Variants in SCN10A observed in about 807,000 individuals in gnomAD.
The protein encoded by SCN10A is sodium voltage-gated channel alpha subunit 10.
SCN10A carries 162 observed loss-of-function variants against 170.7 expected under a neutral mutation model. That is an observed-to-expected ratio of 0.95 (90% confidence interval 0.84 to 1.08). The LOEUF is 1.08. Among genes scored for constraint, SCN10A ranks in the 50% least tolerant of loss-of-function variants. The probability of loss-of-function intolerance (pLI) is 0.00; values close to 1 mark genes in which losing one functional copy is unlikely to be tolerated. For synonymous variants in SCN10A, 985 were observed against 904.6 expected, an observed-to-expected ratio of 1.09 and a Z score of -1.59; for missense variants, 2,527 against 2,436.9, an observed-to-expected ratio of 1.04 and a Z score of -0.78.
chr3:38,752,481 C>A lies in SCN10A; in HGVS notation c.1493G>T (p.Arg498Leu), dbSNP rs372716583. 1.2e-6 allele frequency: 2 copies of A among 1,602,212 alleles called. No individual in the cohort carries two copies. The highest frequency in any genetic ancestry group is 1.7e-6 in the Non-Finnish European group (2 of 1,173,418). Residue 498 changes from arginine to leucine, a missense_variant, in exon 12 of 28, where the codon CGG becomes CTG. Transcript: ENST00000449082. ...ATGGAACACACTGCCATGACTAGCCCGGCGTTTTCCAGAGGCGAGGCCTAG... is the reference window on the plus strand; with the variant it reads ...ATGGAACACACTGCCATGACTAGCCAGGCGTTTTCCAGAGGCGAGGCCTAG... ...SFLGLASGKR[R>L]ASHGSVFHFR...
In SCN10A at chr3:38,722,448, A is replaced by C. The variant is rs2063401442; in HGVS notation, c.3353-36T>G. 2.5e-6 allele frequency: 4 copies of C among 1,604,510 alleles called. No individual in the cohort carries two copies. The Middle Eastern group carries it at 6.7e-4, about 268-fold the overall frequency. The stretch of plus-strand genomic sequence containing the variant: ...AGGTGACTGATGGTGGGTGATGGCC[A>C]GTGGGCAAAGGGGATAATTTCTGCT... On this transcript the variant is annotated intron_variant, in intron 19 of 27. Transcript: ENST00000449082.
At chr3:38,701,119 G>T (rs940770073) in intron 27 of SCN10A, among the ~76,000 whole-genome samples, 1 of 152,142 alleles carries the variant, frequency 6.6e-6, no homozygotes, top group Admixed American at 6.5e-5. Context: ...CATTCATGGA[G>T]CCCAGCTCAG....
chr3:38,812,810 G>A (rs1249125982), intron 1 of SCN10A, among the ~76,000 whole-genome samples: 3 of 152,104 alleles, frequency 2.0e-5, no homozygotes, highest in Non-Finnish European at 4.4e-5. Flanking sequence ...GCAGTAGGAG[G>A]ACCACTTGAG....
Position 38,727,008 on chromosome 3 carries a change from A to C in SCN10A, c.2685T>G (p.Ala895=), listed in dbSNP as rs539124418. The part of the protein sequence containing the change: ...FIALLLNSFS[A]DNLTAPEDDG... ...CGTCCTCCGGGGCTGTGAGGTTGTC[A>C]GCACTGAAAGAGTTCAATAGCAGGG... The change falls in exon 17 of 28, where the codon GCT becomes GCG. Residue 895 remains alanine, a synonymous_variant. Transcript: ENST00000449082. 6 of 1,613,834 alleles carry C rather than the reference A, an allele frequency of 3.7e-6. No individual in the cohort carries two copies. In the South Asian group the frequency reaches 6.6e-5, roughly 18 times the overall value.
chr3:38,742,009 G>A (rs2063637612), intron 14 of SCN10A, among the ~76,000 whole-genome samples: 1 of 152,178 alleles, frequency 6.6e-6, no homozygotes, highest in Non-Finnish European at 1.5e-5. Flanking sequence ...CCTATGTTTT[G>A]TAAAGGGCAA....
At chr3:38,757,749 G>C (rs1422118911) in intron 8 of SCN10A, among the ~76,000 whole-genome samples, 3 of 152,166 alleles carry the variant, frequency 2.0e-5, no homozygotes, top group Non-Finnish European at 2.9e-5. Flanking sequence ...TTATTAAAAG[G>C]AGAAATATAA....
chr3:38,799,741 A>T (rs1056332101), intron 1 of SCN10A, among the ~76,000 whole-genome samples: 2 of 152,032 alleles, frequency 1.3e-5, no homozygotes, highest in Non-Finnish European at 2.9e-5. Flanking sequence ...TAAAAAAATC[A>T]TATGATTAAG....
At chr3:38,800,064 G>A (rs1218229987) in intron 1 of SCN10A, among the ~76,000 whole-genome samples, 1 of 152,138 alleles carries the variant, frequency 6.6e-6, no homozygotes, top group Non-Finnish European at 1.5e-5. Context: ...GAGCTAGTCT[G>A]GAGGTAAACA....
chr3:38,734,830 A>G (rs2063543747), intron 15 of SCN10A, among the ~76,000 whole-genome samples: 1 of 152,212 alleles, frequency 6.6e-6, no homozygotes, highest in Non-Finnish European at 1.5e-5. Context: ...TGTCCTAACT[A>G]GCACAGTGAT....
At chr3:38,772,444 C>A (rs1271908393) in intron 4 of SCN10A, among the ~76,000 whole-genome samples, 1 of 152,100 alleles carries the variant, frequency 6.6e-6, no homozygotes, top group Non-Finnish European at 1.5e-5. Context: ...AATCGCAGCA[C>A]TTTGGGAGGC....
intron 1 of SCN10A, among the ~76,000 whole-genome samples, chr3:38,811,735 G>C (rs951895682): frequency 1.1e-4 from 16 of 152,276 alleles, no homozygotes; most frequent in African/African-American, 3.4e-4. Flanking sequence ...CAGCTAATAA[G>C]AGGCAGAGCT....
chr3:38,722,516 T>A, intron 19 of SCN10A, 104 bp from the exon 20 acceptor site: 1 of 1,370,796 alleles, frequency 7.3e-7, no homozygotes, highest in Non-Finnish European at 1.0e-6. Flanking sequence ...CCACTTGTCA[T>A]GCCCTTGGAA....
In SCN10A at chr3:38,698,156, G is replaced by A; in HGVS notation, c.5064C>T (p.Thr1688=). ...CDPNLPNSNG[T]RGDCGSPAVG... is the part of the protein sequence containing the mutation. ...CGGCTGGGCTCCCACAGTCCCCTCT[G>A]GTGCCATTGCTGTTGGGCAGATTGG... is the stretch of plus-strand genomic sequence containing the variant. The change falls in exon 28 of 28, where the codon ACC becomes ACT. Residue 1688 remains threonine, a synonymous_variant. Coordinates refer to ENST00000449082, the MANE Select transcript of SCN10A (RefSeq NM_006514.4). 1 of 1,614,142 alleles carries A rather than the reference G, an allele frequency of 6.2e-7. No homozygotes were observed. Among genetic ancestry groups the A allele is most frequent in the South Asian group, 1.1e-5 (1 of 91,078 alleles).
chr3:38,801,882 G>A (rs1259105936), intron 1 of SCN10A, among the ~76,000 whole-genome samples: 1 of 152,048 alleles, frequency 6.6e-6, no homozygotes, highest in Non-Finnish European at 1.5e-5. Flanking sequence ...TCATGTAGGT[G>A]ACTCCAAAAT....
At chr3:38,809,028 C>T (rs1324961137) in intron 1 of SCN10A, among the ~76,000 whole-genome samples, 1 of 152,190 alleles carries the variant, frequency 6.6e-6, no homozygotes, top group East Asian at 1.9e-4. Context: ...GTGACCTCTG[C>T]AAACTCTGGT....
At chr3:38,729,587 A>G (rs1230063350) in intron 15 of SCN10A, among the ~76,000 whole-genome samples, 5 of 152,218 alleles carry the variant, frequency 3.3e-5, no homozygotes, top group Admixed American at 2.0e-4. Flanking sequence ...TGGTTTAGTT[A>G]CTGAGAAAAG....
At chr3:38,750,400 T>C (rs2063735730) in intron 12 of SCN10A, among the ~76,000 whole-genome samples, 1 of 152,348 alleles carries the variant, frequency 6.6e-6, no homozygotes, top group East Asian at 1.9e-4. Flanking sequence ...CTTCTATACA[T>C]CTAGGCTAAA....
intron 15 of SCN10A, among the ~76,000 whole-genome samples, chr3:38,729,511 T>C (rs1329751455): frequency 1.3e-5 from 2 of 152,136 alleles, no homozygotes; most frequent in Non-Finnish European, 2.9e-5. Flanking sequence ...TGCAGGTGCA[T>C]GGCAGTGTGC....
At position 38,712,221 on chromosome 3, in the gene SCN10A, C is replaced by G; in HGVS notation, c.4029G>C (p.Trp1343Cys). The G allele has an allele frequency of 6.2e-7, 1 of 1,614,130 alleles. No homozygotes were observed. Among genetic ancestry groups the G allele is most frequent in the Non-Finnish European group, 8.5e-7 (1 of 1,180,018 alleles). ...TATCAAAGTTGACTTTCACATTGAC[C>G]CAGAAGAAGCTGCCAGTGGAGTTTT... ...KIQNSTGSFF[W>C]VNVKVNFDNV... Residue 1343 changes from tryptophan to cysteine, a missense_variant, in exon 23 of 28, where the codon TGG becomes TGC. Physicochemically the swap from Trp to Cys is radical, Grantham distance 215. Coordinates refer to ENST00000449082, the MANE Select transcript of SCN10A (RefSeq NM_006514.4).
Sources: gnomAD v4.1 joint callset for allele counts (sites outside exome capture counted in the v4.1 genomes callset) on GRCh38, gnomAD v4.1.1 for gene constraint, MANE v1.5 for transcripts, NCBI Gene and HGNC (gene_info 2026-07-23, HGNC 2026-07-21) for gene names.